Variants in SETD5 observed in about 807,000 individuals in gnomAD.
SETD5 encodes the protein SET domain containing 5, also known as histone-lysine N-methyltransferase SETD5.
Under a neutral mutation model 153.3 loss-of-function variants are expected in SETD5, and 44 were observed. The observed-to-expected ratio is 0.29, with a 90% CI of 0.23 to 0.37. SETD5 has a LOEUF of 0.37. Among genes scored for constraint, SETD5 ranks in the 10% least tolerant of loss-of-function variants. The probability of loss-of-function intolerance (pLI) is 1.00; values close to 1 mark genes in which losing one functional copy is unlikely to be tolerated. For missense variants in SETD5, 1,544 were observed against 1,768.0 expected (o/e 0.87, Z 2.27); for synonymous variants, 716 against 645.2 (o/e 1.11, Z -1.66).
chr3:9,448,280 C>G, intron 15 of SETD5, 108 bp from the exon 16 acceptor site: 1 of 1,464,216 alleles, frequency 6.8e-7, no homozygotes. Context: ...TTCATTCTTA[C>G]TGCAGCTGCT....
chr3:9,440,312 C>G (rs1019112054), intron 7 of SETD5, 144 bp from the exon 8 acceptor site: 6 of 603,028 alleles, frequency 9.9e-6, no homozygotes, highest in Non-Finnish European at 1.8e-5. Flanking sequence ...ACCAGATCCT[C>G]TGACTCCCAG....
At chr3:9,405,379 G>A (rs967379271) in intron 1 of SETD5, among the ~76,000 whole-genome samples, 1 of 152,044 alleles carries the variant, frequency 6.6e-6, no homozygotes, top group African/African-American at 2.4e-5. Context: ...CTCTATGTAT[G>A]TTTACCCTAT....
rs958425973 is a variant in SETD5 at position 9,477,993 on chromosome 3, G to C, written c.*1902G>C. On this transcript the variant is annotated 3_prime_UTR_variant, in exon 23 of 23. Coordinates refer to ENST00000402198, the MANE Select transcript of SETD5 (RefSeq NM_001080517.3). ...GTGCTGTCAAGACCAGACCTCTTGG[G>C]GGGGTAGGGGCGGGGGGGTGGGGGG... The C allele has an allele frequency of 1.3e-5, 2 of 151,130 alleles. No individual in the cohort carries two copies. Among genetic ancestry groups the C allele is most frequent in the African/African-American group, 4.9e-5 (2 of 41,018 alleles). The allele number at this position is 151,130 out of a possible 1,614,324, so 9.4% of individuals were successfully genotyped here.
chr3:9,429,872 A>G (rs1175406797), intron 3 of SETD5: 5 of 1,303,950 alleles, frequency 3.8e-6, no homozygotes, highest in Non-Finnish European at 5.1e-6. Flanking sequence ...GTGGCACTAC[A>G]CCAGGATGTG....
At position 9,475,599 on chromosome 3, in the gene SETD5, G is replaced by A. The variant is rs1433379592; in HGVS notation, c.3837G>A (p.Leu1279=). 1.2e-6 allele frequency: 2 copies of A among 1,613,704 alleles called. No individual in the cohort carries two copies. The highest frequency in any genetic ancestry group is 2.7e-5 in the African/African-American group (2 of 74,826). ...GATACAGTTATCGAACTACTGCACTGAGACCTGGAAACCCCCCCTCTCACG... is the reference window on the plus strand; with the variant it reads ...GATACAGTTATCGAACTACTGCACTAAGACCTGGAAACCCCCCCTCTCACG... ...SPGYSYRTTA[L]RPGNPPSHGS... Residue 1279 remains leucine (L), a synonymous_variant, in exon 23 of 23, where the codon CTG becomes CTA. Coordinates refer to ENST00000402198, the MANE Select transcript of SETD5 (RefSeq NM_001080517.3).
At chr3:9,470,006 C>T (rs1393805397) in intron 18 of SETD5, among the ~76,000 whole-genome samples, 3 of 152,278 alleles carry the variant, frequency 2.0e-5, no homozygotes, top group African/African-American at 4.8e-5. Context: ...TTCCCTTCCC[C>T]CCACCTTCCA....
intron 7 of SETD5, among the ~76,000 whole-genome samples, chr3:9,437,894 T>C (rs1297545271): frequency 6.6e-6 from 1 of 151,782 alleles, no homozygotes; most frequent in Non-Finnish European, 1.5e-5. Context: ...TCCCAGCTGC[T>C]TGGGAGGCTG....
chr3:9,419,908 G>A (rs1039516362), intron 1 of SETD5, among the ~76,000 whole-genome samples: 1 of 152,200 alleles, frequency 6.6e-6, no homozygotes, highest in African/African-American at 2.4e-5. Flanking sequence ...GAGGAGGCAC[G>A]TGTAGAGATA....
At chr3:9,463,544 C>G (rs371133640) in intron 17 of SETD5, among the ~76,000 whole-genome samples, 2 of 152,208 alleles carry the variant, frequency 1.3e-5, no homozygotes. Flanking sequence ...TTAAGTGGAT[C>G]TAAGAAGTAC....
At chr3:9,443,264 T>C (rs1300849532) in intron 10 of SETD5, 44 bp from the exon 11 acceptor site, 2 of 1,409,982 alleles carry the variant, frequency 1.4e-6, no homozygotes, top group African/African-American at 2.9e-5. Flanking sequence ...TACGGAAAGT[T>C]CATGGTCTTT....
chr3:9,410,555 A>G (rs1261326437), intron 1 of SETD5, among the ~76,000 whole-genome samples: 3 of 152,118 alleles, frequency 2.0e-5, no homozygotes, highest in Admixed American at 6.5e-5. Flanking sequence ...AGTGAAATTT[A>G]CGAAGCTGGG....
rs906502570 is a variant in SETD5 at position 9,460,216 on chromosome 3, A to C, written c.2477-4209A>C. Among the ~76,000 whole-genome samples the C allele has an allele frequency of 1.4e-4, 21 of 152,040 alleles. 1 individual carries two copies. The highest frequency in any genetic ancestry group is 7.9e-4 in the Admixed American group (12 of 15,264). The stretch of plus-strand genomic sequence containing the variant: ...TAAGTATGTAAACTTTTTAAATGTT[A>C]ATAACATTTAGATAACAAAGGGAGA... On this transcript the variant is annotated intron_variant, in intron 17 of 22. Transcript: ENST00000402198.
chr3:9,458,893 T>C (rs1160824565), intron 17 of SETD5, among the ~76,000 whole-genome samples: 1 of 152,184 alleles, frequency 6.6e-6, no homozygotes, highest in Non-Finnish European at 1.5e-5. Context: ...AATTGCGTTT[T>C]TGGACCATTA....
At chr3:9,430,336 A>G (rs2039814146) in intron 3 of SETD5, 2 of 983,512 alleles carry the variant, frequency 2.0e-6, no homozygotes, top group Non-Finnish European at 2.4e-6. Flanking sequence ...CTAAAATGAA[A>G]AGCAGTGTTT....
chr3:9,441,322 G>A (rs1309864245), intron 8 of SETD5, among the ~76,000 whole-genome samples: 3 of 151,242 alleles, frequency 2.0e-5, no homozygotes, highest in African/African-American at 7.3e-5. Context: ...CTTTATTTTA[G>A]AGATAGAGTC....
At chr3:9,419,016 G>A (rs531620966) in intron 1 of SETD5, among the ~76,000 whole-genome samples, 8 of 151,970 alleles carry the variant, frequency 5.3e-5, no homozygotes, top group African/African-American at 1.7e-4. Context: ...TAGTAGAGAC[G>A]GGGTTTCATC....
chr3:9,421,704 A>G (rs1338080772), intron 1 of SETD5, among the ~76,000 whole-genome samples: 3 of 152,212 alleles, frequency 2.0e-5, no homozygotes, highest in Non-Finnish European at 4.4e-5. Context: ...TGGATTTTTA[A>G]AAACTTATTA....
chr3:9,466,522 G>C (rs975206113), intron 18 of SETD5, among the ~76,000 whole-genome samples: 5 of 151,930 alleles, frequency 3.3e-5, no homozygotes, highest in Non-Finnish European at 7.4e-5. Flanking sequence ...ATATTAAATA[G>C]TAAAAGGTCC....
chr3:9,436,799 A>G (rs2040622365), intron 7 of SETD5: 1 of 1,514,722 alleles, frequency 6.6e-7, no homozygotes, highest in East Asian at 2.5e-5. Context: ...TATAACTGTC[A>G]TTCTTGGTAC....
Sources: allele counts gnomAD v4.1 joint callset (sites outside exome capture counted in the v4.1 genomes callset), GRCh38; gene constraint gnomAD v4.1.1; transcripts MANE v1.5; gene names NCBI Gene and HGNC (gene_info 2026-07-23, HGNC 2026-07-21).